The following RAPGEF5 variants were observed in gnomAD, a reference collection of about 807,000 sequenced individuals.
RAPGEF5 encodes Rap guanine nucleotide exchange factor 5.
In RAPGEF5, 65 loss-of-function variants were observed where a neutral mutation model predicts 125.2. That is an observed-to-expected ratio of 0.52 (90% CI 0.43 to 0.64). The LOEUF is 0.64. RAPGEF5 is among the 30% of genes least tolerant of loss of function. The pLI is 0.00. For synonymous variants in RAPGEF5, 391 were observed against 385.9 expected (o/e 1.01, Z -0.16); for missense variants, 958 against 1,048.1 (o/e 0.91, Z 1.19).
At chr7:22,210,417 T>C (rs553117678) in intron 9 of RAPGEF5, among the ~76,000 whole-genome samples, 3 of 152,320 alleles carry the variant, frequency 2.0e-5, no homozygotes, top group South Asian at 4.2e-4. Flanking sequence ...GAAGTACCAC[T>C]GTCTCCTCTC....
At chr7:22,304,321 C>A (rs371871612) in intron 5 of RAPGEF5, among the ~76,000 whole-genome samples, 1 of 152,144 alleles carries the variant, frequency 6.6e-6, no homozygotes, top group African/African-American at 2.4e-5. Flanking sequence ...TTACTACTCC[C>A]AAATGCACAC....
At chr7:22,240,413 G>A (rs957268144) in intron 7 of RAPGEF5, among the ~76,000 whole-genome samples, 4 of 150,906 alleles carry the variant, frequency 2.7e-5, no homozygotes, top group Non-Finnish European at 1.5e-5. Flanking sequence ...GCTCTATCAC[G>A]CAGGCTGGCA....
Position 22,145,089 on chromosome 7 carries a change from C to A in RAPGEF5, c.2141G>T (p.Gly714Val), listed in dbSNP as rs561752625. 5 of 1,613,792 alleles carry A rather than the reference C, an allele frequency of 3.1e-6. No individual in the cohort carries two copies. In the African/African-American group the frequency reaches 6.7e-5, roughly 22 times the overall value. ...TTTTTTCACCAGCTGCACTCGCTTG[C>A]CCAGCTGGCTGCAGAGCAGAATCTC... ...ATEILLCSQL[G>V]KRVQLVKKFI... The change falls in exon 20 of 26, where the codon GGC (glycine) becomes GTC (valine). Residue 714 changes from glycine (G) to valine (V), a missense_variant. Coordinates refer to ENST00000665637, the MANE Select transcript of RAPGEF5 (RefSeq NM_012294.5).
intron 1 of RAPGEF5, 84 bp downstream of exon 1, chr7:22,356,746 C>A: frequency 1.4e-6 from 1 of 723,960 alleles, no homozygotes; most frequent in African/African-American, 1.9e-5. Context: ...AACTTCCAGA[C>A]GCCCCCCTCA....
chr7:22,208,287 T>C lies in RAPGEF5; in HGVS notation c.996+11579A>G, dbSNP rs143258357. ...TGCTCTACTTATAAAAAAAAGGTTG[T>C]ACTGACATTAAAATTATTTAGGCCA... On this transcript the variant is annotated intron_variant, in intron 9 of 25. Transcript: ENST00000665637. Among the ~76,000 whole-genome samples the C allele has an allele frequency of 5.6e-3, 854 of 152,356 alleles. 3 individuals are homozygous for C. Among genetic ancestry groups the C allele is most frequent in the Non-Finnish European group, 7.1e-3 (485 of 68,030 alleles).
At chr7:22,141,681 T>A (rs1036508612) in intron 20 of RAPGEF5, among the ~76,000 whole-genome samples, 2 of 152,194 alleles carry the variant, frequency 1.3e-5, no homozygotes, top group Non-Finnish European at 2.9e-5. Context: ...TGGACACACA[T>A]CTTGCAGGCA....
chr7:22,253,758 T>C (rs927258858), intron 7 of RAPGEF5, among the ~76,000 whole-genome samples: 3 of 152,176 alleles, frequency 2.0e-5, no homozygotes, highest in Non-Finnish European at 4.4e-5. Context: ...ATTAAGCAAG[T>C]CAGCCTGTCT....
chr7:22,336,309 T>G (rs535688568), intron 1 of RAPGEF5, among the ~76,000 whole-genome samples: 2 of 152,306 alleles, frequency 1.3e-5, no homozygotes, highest in South Asian at 2.1e-4. Flanking sequence ...ATCTACTACA[T>G]GAAGTGGTTC....
chr7:22,141,716 C>T (rs1326576365), intron 20 of RAPGEF5, among the ~76,000 whole-genome samples: 6 of 152,234 alleles, frequency 3.9e-5, no homozygotes, highest in Non-Finnish European at 8.8e-5. Context: ...CTCCACTGGG[C>T]ATGGTCTGTC....
At chr7:22,196,532 A>C (rs1785150893) in intron 9 of RAPGEF5, among the ~76,000 whole-genome samples, 1 of 152,236 alleles carries the variant, frequency 6.6e-6, no homozygotes, top group African/African-American at 2.4e-5. Flanking sequence ...GCGGCAAGTG[A>C]AAATGAGTGA....
At chr7:22,241,349 T>C (rs2128136260) in intron 7 of RAPGEF5, among the ~76,000 whole-genome samples, 1 of 152,148 alleles carries the variant, frequency 6.6e-6, no homozygotes, top group Non-Finnish European at 1.5e-5. Context: ...CCAGGTGTCC[T>C]TGTGTTTGCA....
intron 9 of RAPGEF5, among the ~76,000 whole-genome samples, chr7:22,202,746 T>A (rs1340458729): frequency 6.6e-6 from 1 of 152,156 alleles, no homozygotes; most frequent in Non-Finnish European, 1.5e-5. Flanking sequence ...CTGAATCAAA[T>A]TAAACGGATA....
chr7:22,315,227 C>T, intron 3 of RAPGEF5, 143 bp downstream of exon 3: 1 of 897,036 alleles, frequency 1.1e-6, no homozygotes, highest in Non-Finnish European at 1.5e-6. Context: ...TGAAAAGTCA[C>T]CATCAGTTTC....
At chr7:22,198,053 C>A (rs1229945175) in intron 9 of RAPGEF5, among the ~76,000 whole-genome samples, 2 of 152,068 alleles carry the variant, frequency 1.3e-5, no homozygotes, top group Admixed American at 6.6e-5. Context: ...CCAGGCCCAG[C>A]TAATTTTTTA....
chr7:22,302,225 A>G (rs1293148398), intron 5 of RAPGEF5, among the ~76,000 whole-genome samples: 2 of 152,258 alleles, frequency 1.3e-5, no homozygotes, highest in Non-Finnish European at 2.9e-5. Context: ...GTGTCAGCCA[A>G]GTGGCGACAG....
At chr7:22,293,700 C>T (rs1782986766) in intron 5 of RAPGEF5, among the ~76,000 whole-genome samples, 1 of 152,136 alleles carries the variant, frequency 6.6e-6, no homozygotes, top group African/African-American at 2.4e-5. Flanking sequence ...CCATGCCCCG[C>T]TGCACCAGCA....
chr7:22,224,501 G>A (rs1001751178), intron 8 of RAPGEF5, among the ~76,000 whole-genome samples: 1 of 152,078 alleles, frequency 6.6e-6, no homozygotes, highest in Non-Finnish European at 1.5e-5. Flanking sequence ...CTGTCCTGGC[G>A]GTGGAGGGAG....
At chr7:22,179,584 G>A (rs1583453635) in intron 11 of RAPGEF5, among the ~76,000 whole-genome samples, 1 of 152,264 alleles carries the variant, frequency 6.6e-6, no homozygotes, top group Middle Eastern at 3.4e-3. Context: ...ATTCCCAGAA[G>A]GTTAAGGCAT....
At chr7:22,129,108 A>C (rs921309041) in intron 24 of RAPGEF5, among the ~76,000 whole-genome samples, 1 of 151,990 alleles carries the variant, frequency 6.6e-6, no homozygotes, top group African/African-American at 2.4e-5. Flanking sequence ...GAAGGTGGGA[A>C]CAAGCTTTCC....
Sources: gnomAD v4.1 joint callset for allele counts (sites outside exome capture counted in the v4.1 genomes callset) on GRCh38, gnomAD v4.1.1 for gene constraint, MANE v1.5 for transcripts, NCBI Gene and HGNC (gene_info 2026-07-23, HGNC 2026-07-21) for gene names.